Variants in ULK4 observed in about 807,000 individuals in gnomAD.
The protein encoded by ULK4 is unc-51 like kinase 4.
Under a neutral mutation model 160.6 loss-of-function variants are expected in ULK4, and 133 were observed. The observed-to-expected ratio is 0.83, with a 90% confidence interval of 0.72 to 0.96. The LOEUF (loss-of-function observed/expected upper bound fraction) is 0.96, where lower values mean the gene tolerates loss of function less well. ULK4 is among the 40% of genes least tolerant of loss of function. The pLI is 0.00. For synonymous variants in ULK4, 534 were observed against 539.8 expected (o/e 0.99, Z 0.15); for missense variants, 1,580 against 1,499.5 (o/e 1.05, Z -0.89).
At position 41,715,305 on chromosome 3, in the gene ULK4, G is replaced by C; in HGVS notation, c.2578-12C>G. The C allele has an allele frequency of 6.2e-7, 1 of 1,613,532 alleles. No homozygotes were observed. Among genetic ancestry groups the C allele is most frequent in the East Asian group, 2.2e-5 (1 of 44,858 alleles). On this transcript the variant is annotated splice_polypyrimidine_tract_variant and intron_variant, in intron 24 of 36. Coordinates refer to ENST00000301831, the MANE Select transcript of ULK4 (RefSeq NM_017886.4). ...TGAGGTCGAAATACCTGTGTGATGA[G>C]AGTTTCTACAGATTAAATTCTGGAA...
chr3:41,582,349 C>G (rs2030429385), intron 31 of ULK4, among the ~76,000 whole-genome samples: 2 of 152,108 alleles, frequency 1.3e-5, no homozygotes, highest in African/African-American at 4.8e-5. Flanking sequence ...ATGTGTTTAT[C>G]AGCAACGTGA....
intron 34 of ULK4, among the ~76,000 whole-genome samples, chr3:41,419,069 A>AC (rs2082597761): frequency 6.6e-6 from 1 of 152,232 alleles, no homozygotes; most frequent in Non-Finnish European, 1.5e-5. Flanking sequence ...TGCATCAAAA[A>AC]GTAAGATAGA....
At chr3:41,789,560 T>C in intron 21 of ULK4, 101 bp downstream of exon 21, 1 of 1,208,972 alleles carries the variant, frequency 8.3e-7, no homozygotes, top group Non-Finnish European at 1.1e-6. Context: ...CCTCTTGGGA[T>C]AAAAAATGAA....
chr3:41,250,273 G>A (rs533589369), intron 35 of ULK4, among the ~76,000 whole-genome samples: 13 of 152,280 alleles, frequency 8.5e-5, no homozygotes, highest in Non-Finnish European at 1.0e-4. Flanking sequence ...GCAGAGAAGA[G>A]AAGGCTTTGA....
intron 18 of ULK4, among the ~76,000 whole-genome samples, chr3:41,829,124 A>G (rs2041478457): frequency 6.6e-6 from 1 of 151,032 alleles, no homozygotes; most frequent in Non-Finnish European, 1.5e-5. Context: ...TCCCTTCCTT[A>G]CACCTTACAC....
chr3:41,491,364 G>C (rs6779027), intron 32 of ULK4, among the ~76,000 whole-genome samples: 1 of 151,956 alleles, frequency 6.6e-6, no homozygotes, highest in South Asian at 2.1e-4. Context: ...AGAAGGTAAA[G>C]TAACTAGAAG....
At chr3:41,570,911 A>C (rs1303916054) in intron 31 of ULK4, among the ~76,000 whole-genome samples, 2 of 152,160 alleles carry the variant, frequency 1.3e-5, no homozygotes, top group Non-Finnish European at 2.9e-5. Flanking sequence ...GTATAAAACT[A>C]AGGTACACTC....
chr3:41,721,205 A>C (rs2037441059), intron 22 of ULK4, among the ~76,000 whole-genome samples: 1 of 142,204 alleles, frequency 7.0e-6, no homozygotes, highest in Non-Finnish European at 1.5e-5. Context: ...TTAATTTTGC[A>C]TGGTGGTAAT....
Position 41,913,481 on chromosome 3 carries a change from TCC to T in ULK4, c.804-584_804-583del, listed in dbSNP as rs1698866312. Among the ~76,000 whole-genome samples, 4 of 152,148 alleles carry T rather than the reference TCC, an allele frequency of 2.6e-5. No homozygotes were observed. In the South Asian group the frequency reaches 8.3e-4, roughly 32 times the overall value. On this transcript the variant is annotated intron_variant, in intron 8 of 36. Coordinates refer to ENST00000301831, the MANE Select transcript of ULK4 (RefSeq NM_017886.4). ...ACCTCGTGATCCACCCGCCTCCGCC[TCC>T]CAAAGTGCTGGGATTACTGGCGTGA...
chr3:41,681,061 C>T (rs148704540), intron 29 of ULK4, among the ~76,000 whole-genome samples: 1 of 152,272 alleles, frequency 6.6e-6, no homozygotes, highest in East Asian at 1.9e-4. Context: ...CCACCCAACC[C>T]CTGAGAAAGT....
intron 21 of ULK4, among the ~76,000 whole-genome samples, chr3:41,769,894 C>G (rs917329725): frequency 2.0e-5 from 3 of 152,098 alleles, no homozygotes; most frequent in African/African-American, 7.2e-5. Flanking sequence ...ATATGTATAG[C>G]CTGGCCATCA....
At chr3:41,447,276 T>A (rs561718757) in intron 34 of ULK4, among the ~76,000 whole-genome samples, 36 of 152,206 alleles carry the variant, frequency 2.4e-4, no homozygotes, top group African/African-American at 8.4e-4. Context: ...AATGTATTCA[T>A]ATTAAAGCAT....
At chr3:41,772,323 C>T (rs948622350) in intron 21 of ULK4, among the ~76,000 whole-genome samples, 2 of 151,748 alleles carry the variant, frequency 1.3e-5, no homozygotes, top group African/African-American at 4.8e-5. Flanking sequence ...AGACTGCTAG[C>T]AAGACTAATA....
intron 34 of ULK4, among the ~76,000 whole-genome samples, chr3:41,448,892 T>C (rs1440337681): frequency 6.6e-6 from 1 of 152,146 alleles, no homozygotes; most frequent in African/African-American, 2.4e-5. Context: ...ATTTTTATTA[T>C]TTTATTTTTT....
At chr3:41,952,152 A>G (rs974530646) in intron 2 of ULK4, among the ~76,000 whole-genome samples, 10 of 152,188 alleles carry the variant, frequency 6.6e-5, no homozygotes, top group Non-Finnish European at 1.5e-4. Context: ...TGATTTTTGG[A>G]TATTTGCGTA....
intron 29 of ULK4, among the ~76,000 whole-genome samples, chr3:41,676,465 A>T (rs2125782715): frequency 6.6e-6 from 1 of 152,330 alleles, no homozygotes; most frequent in Admixed American, 6.5e-5. Flanking sequence ...GCACAGTTTC[A>T]GAAAGAACAC....
intron 12 of ULK4, among the ~76,000 whole-genome samples, chr3:41,904,411 A>G (rs1698480242): frequency 6.6e-6 from 1 of 152,142 alleles, no homozygotes; most frequent in Admixed American, 6.6e-5. Flanking sequence ...CCTAGGTCAC[A>G]GGAGTGAGGC....
intron 35 of ULK4, among the ~76,000 whole-genome samples, chr3:41,339,046 C>T (rs1254659062): frequency 3.3e-5 from 5 of 151,884 alleles, no homozygotes; most frequent in East Asian, 3.9e-4. Context: ...CTTATACATA[C>T]GCCCAGAAAT....
intron 35 of ULK4, among the ~76,000 whole-genome samples, chr3:41,354,612 A>G (rs967702374): frequency 3.3e-5 from 5 of 152,112 alleles, no homozygotes; most frequent in Admixed American, 2.6e-4. Flanking sequence ...ACTCTTTATT[A>G]TAGTTTCTGC....
Sources: gnomAD v4.1 joint callset for allele counts (sites outside exome capture counted in the v4.1 genomes callset) on GRCh38, gnomAD v4.1.1 for gene constraint, MANE v1.5 for transcripts, NCBI Gene and HGNC (gene_info 2026-07-23, HGNC 2026-07-21) for gene names.